Variants in BFAR observed in about 807,000 individuals in gnomAD.
The protein encoded by BFAR is bifunctional apoptosis regulator, also known as RING finger protein 47.
BFAR carries 52 observed loss-of-function variants against 54.4 expected under a neutral mutation model. That is an observed-to-expected ratio of 0.96 (90% CI 0.77 to 1.21). The LOEUF is 1.21. BFAR is among the 50% of genes most tolerant of loss of function. BFAR has a pLI of 0.00. For missense variants in BFAR, 571 were observed against 534.0 expected, an observed-to-expected ratio of 1.07 and a Z score of -0.68; for synonymous variants, 215 against 204.3, an observed-to-expected ratio of 1.05 and a Z score of -0.45.
rs1959853821 is a variant in BFAR at position 14,648,082 on chromosome 16, A to G, written c.264-306A>G. On this transcript the variant is annotated intron_variant, in intron 2 of 7. Coordinates refer to ENST00000261658, the MANE Select transcript of BFAR (RefSeq NM_016561.3). Reference sequence around the variant, plus strand: ...TAGTGAAACCCTATCTCTACTAAAAATACAAAAAAAAAGTTATCCGGGTAT... The same window carrying G: ...TAGTGAAACCCTATCTCTACTAAAAGTACAAAAAAAAAGTTATCCGGGTAT... 3.3e-5 allele frequency among the ~76,000 whole-genome samples: 5 copies of G among 152,190 alleles called. No homozygotes were observed. In the South Asian group the frequency reaches 1.0e-3, roughly 32 times the overall value.
At chr16:14,652,851 G>A (rs1960012209) in intron 4 of BFAR, among the ~76,000 whole-genome samples, 1 of 152,008 alleles carries the variant, frequency 6.6e-6, no homozygotes, top group African/African-American at 2.4e-5. Context: ...ACAGTGATAA[G>A]AGCAGCCTCT....
At chr16:14,659,182 T>C (rs942410130) in intron 5 of BFAR, among the ~76,000 whole-genome samples, 1 of 152,096 alleles carries the variant, frequency 6.6e-6, no homozygotes, top group Non-Finnish European at 1.5e-5. Flanking sequence ...GTGCTGGGAT[T>C]ATAGGCGTGA....
At chr16:14,635,040 G>T (rs566258095) in intron 1 of BFAR, among the ~76,000 whole-genome samples, 89 of 152,198 alleles carry the variant, frequency 5.8e-4, no homozygotes, top group South Asian at 1.5e-3. Context: ...TGAGGATAAG[G>T]AAAAATGTCC....
chr16:14,641,211 G>T (rs545656677), intron 1 of BFAR, among the ~76,000 whole-genome samples: 3 of 152,106 alleles, frequency 2.0e-5, no homozygotes, highest in African/African-American at 7.2e-5. Context: ...GAGCACCAGG[G>T]GTAGGAATAG....
intron 1 of BFAR, among the ~76,000 whole-genome samples, chr16:14,637,653 T>C (rs1414264575): frequency 6.6e-6 from 1 of 152,090 alleles, no homozygotes; most frequent in African/African-American, 2.4e-5. Flanking sequence ...CTGGCCAACA[T>C]GGTGAAACCC....
chr16:14,655,593 C>T (rs768654498), intron 5 of BFAR, among the ~76,000 whole-genome samples: 8 of 151,878 alleles, frequency 5.3e-5, no homozygotes, highest in Non-Finnish European at 8.8e-5. Context: ...GCCACCACAC[C>T]AGGCTAATGT....
rs536019311 is a variant in BFAR at position 14,666,464 on chromosome 16, G to C, written c.1161-1171G>C. On this transcript the variant is annotated intron_variant, in intron 7 of 7. Coordinates refer to ENST00000261658, the MANE Select transcript of BFAR (RefSeq NM_016561.3). ...TGGGTGCCTGTAATCCCAGCTACTC[G>C]GGAGGCTGAGGCAGGAGGATCGCTT... is the stretch of plus-strand genomic sequence containing the variant. Among the ~76,000 whole-genome samples, 3 of 152,194 alleles carry C rather than the reference G, an allele frequency of 2.0e-5. No homozygotes were observed. The East Asian group carries it at 5.8e-4, about 29-fold the overall frequency.
chr16:14,655,773 C>T (rs1011579098), intron 5 of BFAR, among the ~76,000 whole-genome samples: 1 of 152,164 alleles, frequency 6.6e-6, no homozygotes. Context: ...GAGACACTTA[C>T]ATGTTTTGGG....
intron 4 of BFAR, among the ~76,000 whole-genome samples, chr16:14,650,985 T>A (rs1001944604): frequency 6.6e-6 from 1 of 152,174 alleles, no homozygotes; most frequent in Admixed American, 6.5e-5. Context: ...TCAAATTGTG[T>A]AAGGAAAAAT....
chr16:14,644,180 AT>A, intron 1 of BFAR, 93 bp from the exon 2 acceptor site: 2 of 721,122 alleles, frequency 2.8e-6, no homozygotes, highest in East Asian at 2.7e-5. Context: ...AAAAAAAAAA[AT>A]TAGCGCTTCA....
intron 4 of BFAR, among the ~76,000 whole-genome samples, chr16:14,652,291 T>G (rs542763580): frequency 3.9e-5 from 6 of 152,034 alleles, no homozygotes; most frequent in Non-Finnish European, 5.9e-5. Context: ...TTTTTATTTT[T>G]TTTTTTGAGA....
At chr16:14,662,708 G>C (rs549296594) in intron 6 of BFAR, among the ~76,000 whole-genome samples, 2 of 152,208 alleles carry the variant, frequency 1.3e-5, no homozygotes, top group East Asian at 3.9e-4. Context: ...TGCAGAGACA[G>C]GGTTTCACCA....
chr16:14,654,035 G>A (rs987353700), intron 4 of BFAR, among the ~76,000 whole-genome samples: 2 of 141,722 alleles, frequency 1.4e-5, no homozygotes, highest in Admixed American at 7.2e-5. Flanking sequence ...TTTTTGAGGC[G>A]GAGTCTTGCT....
At chr16:14,659,225 G>GTTTGTTTT (rs1960216281) in intron 5 of BFAR, among the ~76,000 whole-genome samples, 1 of 141,304 alleles carries the variant, frequency 7.1e-6, no homozygotes, top group Non-Finnish European at 1.6e-5. Flanking sequence ...ATGCAATTTG[G>GTTTGTTTT]TTTTTTTTGT....
In BFAR at chr16:14,656,322, T is replaced by G. The variant is rs994691266; in HGVS notation, c.783+1112T>G. Reference sequence around the variant, plus strand: ...TGGGAGGATTGCTTAGCTCAGGAGTTCAAGACTAGCCTGGGTAACATGGCA... The same window carrying G: ...TGGGAGGATTGCTTAGCTCAGGAGTGCAAGACTAGCCTGGGTAACATGGCA... On this transcript the variant is annotated intron_variant, in intron 5 of 7. Transcript: ENST00000261658. Among the ~76,000 whole-genome samples the G allele has an allele frequency of 8.5e-5, 13 of 152,150 alleles. No homozygotes were observed. The East Asian group carries it at 2.3e-3, about 27-fold the overall frequency.
chr16:14,663,117 G>A (rs552201291), intron 6 of BFAR, among the ~76,000 whole-genome samples: 12 of 152,328 alleles, frequency 7.9e-5, no homozygotes, highest in East Asian at 3.9e-4. Flanking sequence ...AGAGCGCAGC[G>A]CCGGGCTGTC....
At chr16:14,642,639 G>C (rs570828864) in intron 1 of BFAR, among the ~76,000 whole-genome samples, 57 of 152,218 alleles carry the variant, frequency 3.7e-4, no homozygotes, top group Admixed American at 5.9e-4. Context: ...AGGGTATATT[G>C]AGCCATGGCA....
Position 14,632,976 on chromosome 16 carries a change from G to A in BFAR, c.-116G>A, listed in dbSNP as rs563033863. The A allele has an allele frequency of 4.5e-5, 7 of 154,268 alleles. No homozygotes were observed. The highest frequency in any genetic ancestry group is 1.7e-4 in the African/African-American group (7 of 41,580). The allele number at this position is 154,268 out of a possible 1,614,324, so 9.6% of individuals were successfully genotyped here. A position where few individuals can be genotyped will look rare whatever the true frequency, so the allele number is the denominator to read the frequency against. On this transcript the variant is annotated 5_prime_UTR_variant, in exon 1 of 8. The change creates a new upstream start codon in the 5' untranslated region. Coordinates refer to ENST00000261658, the MANE Select transcript of BFAR (RefSeq NM_016561.3). ...CTCTTCCTCTGCTCCCGCGGGGTCT[G>A]TGCTGAGAATAATGGCCCGGTTGGC...
At chr16:14,661,195 T>C (rs1248929721) in intron 5 of BFAR, among the ~76,000 whole-genome samples, 1 of 152,228 alleles carries the variant, frequency 6.6e-6, no homozygotes, top group Admixed American at 6.5e-5. Context: ...AGTGTAGTAC[T>C]AAACATCTTG....
Sources: allele counts gnomAD v4.1 joint callset (sites outside exome capture counted in the v4.1 genomes callset), GRCh38; gene constraint gnomAD v4.1.1; transcripts MANE v1.5; gene names NCBI Gene and HGNC (gene_info 2026-07-23, HGNC 2026-07-21).